The following LEKR1 variants were observed in gnomAD, a reference collection of about 807,000 sequenced individuals.
The protein encoded by LEKR1 is protein LEKR1.
LEKR1 carries 59 observed loss-of-function variants against 72.4 expected under a neutral mutation model. The observed-to-expected ratio is 0.82, with a 90% confidence interval of 0.66 to 1.01. LEKR1 has a LOEUF of 1.01. Ranked by LOEUF, LEKR1 falls within the 50% of genes least tolerant of loss-of-function variation. The probability of loss-of-function intolerance (pLI) is 0.00; values close to 1 mark genes in which losing one functional copy is unlikely to be tolerated. For synonymous variants in LEKR1, 257 were observed against 263.2 expected (o/e 0.98, Z 0.23); for missense variants, 728 against 759.2 (o/e 0.96, Z 0.48).
At chr3:157,000,725 C>A (rs921281053) in intron 9 of LEKR1, among the ~76,000 whole-genome samples, 34 of 152,300 alleles carry the variant, frequency 2.2e-4, no homozygotes, top group African/African-American at 7.9e-4. Flanking sequence ...TTATTATCTG[C>A]TTTACTCATA....
At chr3:156,974,068 G>A (rs891948813) in intron 6 of LEKR1, among the ~76,000 whole-genome samples, 2 of 152,020 alleles carry the variant, frequency 1.3e-5, no homozygotes, top group African/African-American at 4.8e-5. Context: ...AACAAGATGG[G>A]TAAAAAACTT....
intron 2 of LEKR1, among the ~76,000 whole-genome samples, chr3:156,835,434 C>A (rs1429717494): frequency 1.3e-5 from 2 of 152,192 alleles, no homozygotes; most frequent in African/African-American, 2.4e-5. Context: ...AACAGATCCC[C>A]AAAAATCAAG....
At chr3:156,896,618 T>C (rs1443904793) in intron 3 of LEKR1, among the ~76,000 whole-genome samples, 2 of 152,216 alleles carry the variant, frequency 1.3e-5, no homozygotes, top group Non-Finnish European at 2.9e-5. Context: ...TGTAAATTAG[T>C]TCAGCCACTG....
At chr3:157,003,347 A>G (rs562359718) in intron 9 of LEKR1, among the ~76,000 whole-genome samples, 6 of 152,312 alleles carry the variant, frequency 3.9e-5, no homozygotes, top group African/African-American at 1.4e-4. Context: ...TAGGAAGACC[A>G]TTGTATTAGT....
intron 6 of LEKR1, among the ~76,000 whole-genome samples, chr3:156,949,049 C>A (rs935704338): frequency 1.3e-5 from 2 of 150,606 alleles, no homozygotes; most frequent in East Asian, 3.9e-4. Context: ...ACTTTTAGAT[C>A]CTTGATAATA....
intron 7 of LEKR1, among the ~76,000 whole-genome samples, 185 bp from the exon 8 acceptor site, chr3:156,992,468 T>G (rs1226156813): frequency 6.6e-6 from 1 of 152,204 alleles, no homozygotes; most frequent in African/African-American, 2.4e-5. Context: ...TTTATTTACA[T>G]GCAAATCAGT....
At chr3:157,006,131 G>T (rs920832437) in intron 9 of LEKR1, among the ~76,000 whole-genome samples, 29 of 151,190 alleles carry the variant, frequency 1.9e-4, no homozygotes, top group African/African-American at 7.1e-4. Context: ...TCAGCCTCCC[G>T]AGTAGCTGGG....
At chr3:156,890,229 T>A (rs1470205484) in intron 3 of LEKR1, among the ~76,000 whole-genome samples, 1 of 152,194 alleles carries the variant, frequency 6.6e-6, no homozygotes, top group East Asian at 1.9e-4. Context: ...TGAAAAACAT[T>A]TTAATATCAA....
At chr3:156,877,638 G>A (rs1267619732) in intron 3 of LEKR1, among the ~76,000 whole-genome samples, 1 of 151,964 alleles carries the variant, frequency 6.6e-6, no homozygotes, top group Non-Finnish European at 1.5e-5. Flanking sequence ...ATAATGTTTT[G>A]TATTTCAGTT....
chr3:156,843,495 T>C (rs1714195189), intron 2 of LEKR1, among the ~76,000 whole-genome samples: 1 of 151,748 alleles, frequency 6.6e-6, no homozygotes, highest in Non-Finnish European at 1.5e-5. Flanking sequence ...GAGACCAGAG[T>C]TGTTTATTTT....
intron 6 of LEKR1, among the ~76,000 whole-genome samples, chr3:156,971,351 A>G (rs1729169855): frequency 6.6e-6 from 1 of 152,262 alleles, no homozygotes; most frequent in East Asian, 1.9e-4. Context: ...AAGATGGATT[A>G]AAGACTTAAA....
intron 3 of LEKR1, among the ~76,000 whole-genome samples, chr3:156,881,688 G>T (rs1207902922): frequency 7.1e-6 from 1 of 140,132 alleles, no homozygotes; most frequent in South Asian, 2.4e-4. Context: ...AGCCCGCATC[G>T]CCAAGTCAAT....
At chr3:156,998,926 C>A (rs74535237) in intron 9 of LEKR1, among the ~76,000 whole-genome samples, 2 of 152,212 alleles carry the variant, frequency 1.3e-5, no homozygotes, top group South Asian at 4.1e-4. Flanking sequence ...TTGTAGTTCC[C>A]ATAATCCCCA....
intron 3 of LEKR1, among the ~76,000 whole-genome samples, chr3:156,880,828 A>T (rs1719221248): frequency 6.6e-6 from 1 of 152,220 alleles, no homozygotes; most frequent in Non-Finnish European, 1.5e-5. Context: ...CATCCCTGGG[A>T]TGCAAGGCTG....
intron 3 of LEKR1, among the ~76,000 whole-genome samples, chr3:156,896,940 T>C (rs1721248305): frequency 6.6e-6 from 1 of 152,140 alleles, no homozygotes; most frequent in African/African-American, 2.4e-5. Flanking sequence ...AGCAAATTAA[T>C]GTAGGAACAG....
chr3:156,964,389 CT>C (rs1027410682), intron 6 of LEKR1, among the ~76,000 whole-genome samples: 2 of 151,940 alleles, frequency 1.3e-5, no homozygotes, highest in Non-Finnish European at 2.9e-5. Flanking sequence ...TGTTCTCACT[CT>C]TTTTTATTAA....
intron 3 of LEKR1, among the ~76,000 whole-genome samples, chr3:156,890,239 A>G (rs140722730): frequency 3.9e-5 from 6 of 152,318 alleles, no homozygotes; most frequent in African/African-American, 1.2e-4. Context: ...TTTAATATCA[A>G]TAAAATAGCA....
chr3:157,002,325 G>A (rs2108016134), intron 9 of LEKR1, among the ~76,000 whole-genome samples: 1 of 152,156 alleles, frequency 6.6e-6, no homozygotes, highest in East Asian at 1.9e-4. Flanking sequence ...GTGAGTCAGA[G>A]TTGGTTCTTC....
At position 156,941,139 on chromosome 3, in the gene LEKR1, G is replaced by GAA. The variant is rs34450484; in HGVS notation, c.560-1382_560-1381dup. On this transcript the variant is annotated intron_variant, in intron 5 of 12. Transcript: ENST00000356539. ...TTTAGCAGCATATAGCTATTTTGAG[G>GAA]AAAAAAAAATCCCACATAAAATAAT... Among the ~76,000 whole-genome samples the GAA allele has an allele frequency of 1.3e-3, 203 of 150,720 alleles. 1 individual carries two copies. Among genetic ancestry groups the GAA allele is most frequent in the Middle Eastern group, 3.4e-3 (1 of 294 alleles).
Sources: gnomAD v4.1 joint callset for allele counts (sites outside exome capture counted in the v4.1 genomes callset) on GRCh38, gnomAD v4.1.1 for gene constraint, MANE v1.5 for transcripts, NCBI Gene and HGNC (gene_info 2026-07-23, HGNC 2026-07-21) for gene names.